Variants in ACO1 observed in about 807,000 individuals in gnomAD.
The protein encoded by ACO1 is cytoplasmic aconitate hydratase.
ACO1 carries 78 observed loss-of-function variants against 105.1 expected under a neutral mutation model. That is an observed-to-expected ratio of 0.74 (90% CI 0.62 to 0.90). ACO1 has a LOEUF of 0.90. Ranked by LOEUF, ACO1 falls within the 40% of genes least tolerant of loss-of-function variation. The probability of loss-of-function intolerance (pLI) is 0.00; values close to 1 mark genes in which losing one functional copy is unlikely to be tolerated. For missense variants in ACO1, 965 were observed against 1,111.1 expected (o/e 0.87, Z 1.87); for synonymous variants, 364 against 397.4 (o/e 0.92, Z 1.00).
intron 3 of ACO1, among the ~76,000 whole-genome samples, chr9:32,407,846 A>T (rs1668357529): frequency 6.6e-6 from 1 of 152,166 alleles, no homozygotes; most frequent in Admixed American, 6.5e-5. Context: ...CAGAGGGGAG[A>T]TGATGTAGCT....
At chr9:32,410,336 A>G (rs963931797) in intron 4 of ACO1, among the ~76,000 whole-genome samples, 1 of 152,192 alleles carries the variant, frequency 6.6e-6, no homozygotes, top group Non-Finnish European at 1.5e-5. Context: ...AGGTGGGCGG[A>G]TCACAAGGTC....
At position 32,448,912 on chromosome 9, in the gene ACO1, T is replaced by A; in HGVS notation, c.2387T>A (p.Leu796Gln). 1 of 1,614,232 alleles carries A rather than the reference T, an allele frequency of 6.2e-7. No homozygotes were observed. The highest frequency in any genetic ancestry group is 8.5e-7 in the Non-Finnish European group (1 of 1,180,046). The change falls in exon 20 of 21, where the codon CTG becomes CAG. Residue 796 changes from leucine to glutamine, a missense_variant. Physicochemically the swap from Leu to Gln is moderately radical, Grantham distance 113. Coordinates refer to ENST00000309951, the MANE Select transcript of ACO1 (RefSeq NM_002197.3). Reference sequence around the variant, plus strand: ...ATTCATCAGGGAATCAAAGCCGTCCTGGCCGAGAGCTACGAGCGCATTCAC... The same window carrying A: ...ATTCATCAGGGAATCAAAGCCGTCCAGGCCGAGAGCTACGAGCGCATTCAC... The part of the protein sequence containing the change: ...GPFLLGIKAV[L>Q]AESYERIHRS...
At position 32,451,627 on chromosome 9, in the gene ACO1, CAG is replaced by C. The variant is rs1055999733; in HGVS notation, c.*1517_*1518del. 1.3e-5 allele frequency: 2 copies of C among 152,224 alleles called. No homozygotes were observed. The highest frequency in any genetic ancestry group is 4.8e-5 in the African/African-American group (2 of 41,452). 9.4% of individuals were successfully genotyped at this position (152,224 alleles called of 1,614,324 possible). On this transcript the variant is annotated 3_prime_UTR_variant, in exon 21 of 21. Transcript: ENST00000309951. ...AATTTTTAATGTCAACCTTAGCACT[CAG>C]GGGATATGGCCTGGTCATCAGAACA...
chr9:32,410,019 G>C (rs375832957), intron 4 of ACO1, among the ~76,000 whole-genome samples: 3 of 152,236 alleles, frequency 2.0e-5, no homozygotes, highest in African/African-American at 7.2e-5. Context: ...GTGAGGTTAG[G>C]AGCCAAGTAG....
chr9:32,443,981 C>A (rs551839990), intron 19 of ACO1, among the ~76,000 whole-genome samples: 1 of 152,134 alleles, frequency 6.6e-6, no homozygotes, highest in Non-Finnish European at 1.5e-5. Flanking sequence ...GCCCCTGACC[C>A]GCCAACAGGC....
intron 12 of ACO1, among the ~76,000 whole-genome samples, chr9:32,428,661 AC>A (rs2118503483): frequency 6.6e-6 from 1 of 152,074 alleles, no homozygotes; most frequent in Non-Finnish European, 1.5e-5. Context: ...ACACGGTGAA[AC>A]CCCGTCTCTA....
chr9:32,443,087 G>A (rs561766118), intron 19 of ACO1, among the ~76,000 whole-genome samples: 4 of 151,752 alleles, frequency 2.6e-5, no homozygotes, highest in South Asian at 2.1e-4. Context: ...AACAATCACC[G>A]GCTCAAGAAG....
chr9:32,430,511 C>G lies in ACO1; in HGVS notation c.1663C>G (p.Pro555Ala), dbSNP rs201567528. The change falls in exon 14 of 21, where the codon CCC becomes GCC. Residue 555 changes from proline (P) to alanine (A), a missense_variant. Transcript: ENST00000309951. ...CCGGGCCAACTATTTAGCCTCTCCC[C>G]CCTTAGTAATAGCATATGCAATTGC... ...NTRANYLASP[P>A]LVIAYAIAGT... 1.1e-5 allele frequency: 17 copies of G among 1,611,258 alleles called. No homozygotes were observed. The highest frequency in any genetic ancestry group is 3.3e-4 in the Middle Eastern group (2 of 6,084).
rs1407952506 is a variant in ACO1, at chr9:32,450,741, T to TATC, written c.*631_*633dup. 6.6e-6 allele frequency: 1 copy of TATC among 152,180 alleles called. No individual in the cohort carries two copies. Among genetic ancestry groups the TATC allele is most frequent in the African/African-American group, 2.4e-5 (1 of 41,410 alleles). The allele number at this position is 152,180 out of a possible 1,614,324, so 9.4% of individuals were successfully genotyped here. On this transcript the variant is annotated 3_prime_UTR_variant, in exon 21 of 21. Transcript: ENST00000309951. ...AAAGAAATGTGAAGTTTTCTTTTAC[T>TATC]ATCTTTTCATTTATCAAGCAGAGAC...
At chr9:32,400,538 C>CT (rs1188543835) in intron 1 of ACO1, among the ~76,000 whole-genome samples, 1 of 152,180 alleles carries the variant, frequency 6.6e-6, no homozygotes, top group East Asian at 1.9e-4. Context: ...GCAAAGTGGA[C>CT]TTTATCTGGA....
chr9:32,430,157 A>G (rs1822193612), intron 13 of ACO1, among the ~76,000 whole-genome samples: 1 of 152,220 alleles, frequency 6.6e-6, no homozygotes, highest in African/African-American at 2.4e-5. Flanking sequence ...CCAGGCAGCA[A>G]TAACTAGTAT....
In ACO1 at chr9:32,430,472, G is replaced by A. The variant is rs1280319878; in HGVS notation, c.1624G>A (p.Val542Ile). The A allele has an allele frequency of 1.2e-6, 2 of 1,611,636 alleles. No homozygotes were observed. Among genetic ancestry groups the A allele is most frequent in the East Asian group, 2.2e-5 (1 of 44,700 alleles). ...LSGNRNFEGR[V>I]HPNTRANYLA... is the part of the protein sequence containing the mutation. ...TGGAAACAGGAATTTTGAAGGTCGA[G>A]TTCACCCCAACACCCGGGCCAACTA... is the stretch of plus-strand genomic sequence containing the variant. Residue 542 changes from valine (V) to isoleucine (I), a missense_variant, in exon 14 of 21, where the codon GTT becomes ATT. Val to Ile is a conservative substitution (Grantham distance 29). Coordinates refer to ENST00000309951, the MANE Select transcript of ACO1 (RefSeq NM_002197.3).
rs1003813807 is a variant in ACO1, at chr9:32,419,169, A to G, written c.790A>G (p.Ile264Val). ...AACATCCACTGACATCGTGCTCACC[A>G]TTACCAAGGTAACAATGTGCATCCT... ...LVTSTDIVLT[I>V]TKHLRQVGVV... The change falls in exon 7 of 21, where the codon ATT becomes GTT. Residue 264 changes from isoleucine to valine, a missense_variant. Physicochemically the swap from Ile to Val is conservative, Grantham distance 29. Transcript: ENST00000309951. 129 of 1,585,282 alleles carry G rather than the reference A, an allele frequency of 8.1e-5. No homozygotes were observed. The highest frequency in any genetic ancestry group is 1.1e-4 in the Non-Finnish European group (128 of 1,165,420).
At position 32,453,285 on chromosome 9, in the gene ACO1, A is replaced by T. The variant is rs1404883948; in HGVS notation, c.*3174A>T. 6.6e-6 allele frequency: 1 copy of T among 151,542 alleles called. No homozygotes were observed. The highest frequency in any genetic ancestry group is 6.6e-5 in the Admixed American group (1 of 15,216). The allele number at this position is 151,542 out of a possible 1,614,324, so 9.4% of individuals were successfully genotyped here. A position where few individuals can be genotyped will look rare whatever the true frequency, so the allele number is the denominator to read the frequency against. The stretch of plus-strand genomic sequence containing the variant: ...CACCAGATTTTTATGGTACATAGGG[A>T]GTAATCTAGGGAAAAGATATATTAG... On this transcript the variant is annotated 3_prime_UTR_variant, in exon 21 of 21. Transcript: ENST00000309951.
intron 1 of ACO1, among the ~76,000 whole-genome samples, chr9:32,393,571 A>C (rs1821310568): frequency 6.6e-6 from 1 of 152,098 alleles, no homozygotes; most frequent in Admixed American, 6.5e-5. Flanking sequence ...CTACCTTGTG[A>C]AGCATGTGAT....
At chr9:32,386,901 T>G (rs1821167012) in intron 1 of ACO1, among the ~76,000 whole-genome samples, 1 of 152,206 alleles carries the variant, frequency 6.6e-6, no homozygotes, top group African/African-American at 2.4e-5. Context: ...GCAATTATGG[T>G]CTGATAGCTT....
At position 32,419,045 on chromosome 9, in the gene ACO1, T is replaced by C. The variant is rs145004781; in HGVS notation, c.666T>C (p.Gly222=). 788 of 1,601,436 alleles carry C rather than the reference T, an allele frequency of 4.9e-4. No individual in the cohort carries two copies. Among genetic ancestry groups the C allele is most frequent in the Middle Eastern group, 1.0e-3 (6 of 5,998 alleles). Residue 222 remains glycine (G), a synonymous_variant, in exon 7 of 21, where the codon GGT becomes GGC. Coordinates refer to ENST00000309951, the MANE Select transcript of ACO1 (RefSeq NM_002197.3). ...DGLGILGWGV[G]GIEAEAVMLG... Reference sequence around the variant, plus strand: ...TCATGCCGTTCATTGCAGGTGTCGGTGGTATTGAAGCAGAAGCTGTCATGC... The same window carrying C: ...TCATGCCGTTCATTGCAGGTGTCGGCGGTATTGAAGCAGAAGCTGTCATGC...
chr9:32,430,734 A>G (rs1227776904), intron 14 of ACO1, among the ~76,000 whole-genome samples, 160 bp downstream of exon 14: 1 of 152,194 alleles, frequency 6.6e-6, no homozygotes, highest in Admixed American at 6.5e-5. Flanking sequence ...CTAAGACTTA[A>G]CTGCAGTAGT....
At chr9:32,414,266 C>T (rs1296644758) in intron 4 of ACO1, among the ~76,000 whole-genome samples, 1 of 152,226 alleles carries the variant, frequency 6.6e-6, no homozygotes, top group Non-Finnish European at 1.5e-5. Context: ...TTCTCAGAAA[C>T]TGAACTACAT....
Sources: gnomAD v4.1 joint callset for allele counts (sites outside exome capture counted in the v4.1 genomes callset) on GRCh38, gnomAD v4.1.1 for gene constraint, MANE v1.5 for transcripts, NCBI Gene and HGNC (gene_info 2026-07-23, HGNC 2026-07-21) for gene names.